Variants in DOCK2 observed in about 807,000 individuals in gnomAD.
DOCK2 encodes the protein dedicator of cytokinesis protein 2.
A neutral mutation model predicts 248.9 loss-of-function variants in DOCK2; 87 were observed. That is an observed-to-expected ratio of 0.35 (90% confidence interval 0.29 to 0.42). The LOEUF is 0.42. Ranked by LOEUF, DOCK2 falls within the 10% of genes least tolerant of loss-of-function variation. DOCK2 has a pLI of 1.00. For synonymous variants in DOCK2, 805 were observed against 821.6 expected (o/e 0.98, Z 0.35); for missense variants, 1,747 against 2,300.2 (o/e 0.76, Z 4.92).
chr5:169,731,028 A>G (rs1762742133), intron 22 of DOCK2, among the ~76,000 whole-genome samples: 1 of 151,930 alleles, frequency 6.6e-6, no homozygotes, highest in Non-Finnish European at 1.5e-5. Context: ...ACTAATGCCC[A>G]GCTAATTTTT....
chr5:170,017,190 C>G (rs1281418851), intron 32 of DOCK2, among the ~76,000 whole-genome samples: 2 of 152,182 alleles, frequency 1.3e-5, no homozygotes, highest in Non-Finnish European at 2.9e-5. Context: ...CTTGTCTGAG[C>G]TTTAATCGCA....
chr5:169,845,706 C>T (rs145696127), intron 27 of DOCK2, among the ~76,000 whole-genome samples: 121 of 152,266 alleles, frequency 7.9e-4, no homozygotes, highest in African/African-American at 2.7e-3. Context: ...TGAAGCCTTG[C>T]AAAGGTTGTA....
chr5:169,828,668 T>G (rs575427063), intron 26 of DOCK2, among the ~76,000 whole-genome samples: 1 of 152,280 alleles, frequency 6.6e-6, no homozygotes, highest in Non-Finnish European at 1.5e-5. Context: ...AACCCCTTAG[T>G]CTTTTGTATG....
In DOCK2 at chr5:170,082,339, C is replaced by T. The variant is rs190905084; in HGVS notation, c.5430+355C>T. ...TACAAATTGAACATTAGTTTCCAAG[C>T]GCTGATTCTGCAAGTCCCATCTCCT... is the stretch of plus-strand genomic sequence containing the variant. On this transcript the variant is annotated intron_variant, in intron 51 of 51. Transcript: ENST00000520908. 5.3e-5 allele frequency among the ~76,000 whole-genome samples: 8 copies of T among 152,304 alleles called. No individual in the cohort carries two copies. In the East Asian group the frequency reaches 1.2e-3, roughly 22 times the overall value.
intron 30 of DOCK2, among the ~76,000 whole-genome samples, chr5:170,002,531 G>T (rs1274591746): frequency 6.6e-6 from 1 of 152,166 alleles, no homozygotes; most frequent in Non-Finnish European, 1.5e-5. Context: ...TCCAAGGTAG[G>T]ATGGAAAATA....
chr5:169,796,775 G>A (rs889587834), intron 25 of DOCK2, among the ~76,000 whole-genome samples: 1 of 152,216 alleles, frequency 6.6e-6, no homozygotes, highest in African/African-American at 2.4e-5. Flanking sequence ...GGAGAAGATG[G>A]CTGGGACAAG....
intron 27 of DOCK2, among the ~76,000 whole-genome samples, chr5:169,936,795 G>A (rs571187847): frequency 6.6e-6 from 1 of 152,186 alleles, no homozygotes; most frequent in South Asian, 2.1e-4. Flanking sequence ...ACGTGGCAAT[G>A]CCCACTTAGT....
chr5:169,972,574 TA>T (rs68003736), intron 27 of DOCK2, among the ~76,000 whole-genome samples: 5,813 of 65,488 alleles, frequency 0.089, 201 homozygotes, highest in African/African-American at 0.18. Context: ...GATAGATAGA[TA>T]GATAGATAGA....
chr5:169,993,178 A>G (rs1778254372), intron 29 of DOCK2, among the ~76,000 whole-genome samples: 1 of 152,254 alleles, frequency 6.6e-6, no homozygotes, highest in African/African-American at 2.4e-5. Flanking sequence ...AGGAGAGAAC[A>G]CAAAATACAA....
chr5:169,722,285 G>A (rs1355525282), intron 22 of DOCK2, among the ~76,000 whole-genome samples: 2 of 152,240 alleles, frequency 1.3e-5, no homozygotes, highest in African/African-American at 4.8e-5. Context: ...GTTTGGAGCA[G>A]ACCATGCTTC....
intron 1 of DOCK2, among the ~76,000 whole-genome samples, chr5:169,653,078 G>C (rs544956143): frequency 1.2e-4 from 18 of 152,310 alleles, no homozygotes; most frequent in Non-Finnish European, 1.8e-4. Flanking sequence ...CTCTGTCTGA[G>C]TTTCTGTATC....
At chr5:169,658,712 T>C (rs933904056) in intron 2 of DOCK2, among the ~76,000 whole-genome samples, 1 of 151,498 alleles carries the variant, frequency 6.6e-6, no homozygotes, top group Admixed American at 6.6e-5. Context: ...TTTAAATTCT[T>C]TATAATAGCA....
At chr5:169,822,091 C>T (rs1298277714) in intron 26 of DOCK2, among the ~76,000 whole-genome samples, 1 of 152,142 alleles carries the variant, frequency 6.6e-6, no homozygotes, top group East Asian at 1.9e-4. Flanking sequence ...TATATGCACC[C>T]AATACAGGAG....
chr5:169,784,060 G>C (rs910270702), intron 25 of DOCK2, among the ~76,000 whole-genome samples: 2 of 152,304 alleles, frequency 1.3e-5, no homozygotes. Context: ...AAAGTCCAGG[G>C]ATGTGCAGGT....
intron 5 of DOCK2, 132 bp from the exon 6 acceptor site, chr5:169,674,165 T>C: frequency 9.8e-7 from 1 of 1,016,404 alleles, no homozygotes; most frequent in Non-Finnish European, 1.4e-6. Flanking sequence ...AATCCTTTTG[T>C]AGTGGGTAGG....
At chr5:169,879,145 A>G (rs559556953) in intron 27 of DOCK2, among the ~76,000 whole-genome samples, 1 of 152,284 alleles carries the variant, frequency 6.6e-6, no homozygotes, top group East Asian at 1.9e-4. Flanking sequence ...TGGCTAATTT[A>G]GCAGCAACAT....
chr5:169,853,804 C>CTTTTTTTTTTTT (rs67124138), intron 27 of DOCK2, among the ~76,000 whole-genome samples: 12 of 56,860 alleles, frequency 2.1e-4, no homozygotes, highest in Non-Finnish European at 2.6e-4. Flanking sequence ...GGAAAAACAA[C>CTTTTTTTTTTTT]TTTTTTTTTT....
intron 40 of DOCK2, among the ~76,000 whole-genome samples, chr5:170,048,772 A>G (rs1756807698): frequency 6.6e-6 from 1 of 152,158 alleles, no homozygotes; most frequent in South Asian, 2.1e-4. Context: ...CTGAACCACT[A>G]CTGTAGTGGC....
intron 2 of DOCK2, among the ~76,000 whole-genome samples, chr5:169,660,016 T>C (rs1249846319): frequency 6.6e-6 from 1 of 152,200 alleles, no homozygotes; most frequent in African/African-American, 2.4e-5. Context: ...TTGGGGTGCT[T>C]TCTTTCCAGT....
Sources: gnomAD v4.1 joint callset for allele counts (sites outside exome capture counted in the v4.1 genomes callset) on GRCh38, gnomAD v4.1.1 for gene constraint, MANE v1.5 for transcripts, NCBI Gene and HGNC (gene_info 2026-07-23, HGNC 2026-07-21) for gene names.